Variants in CHD1 observed in about 807,000 individuals in gnomAD.
CHD1 encodes the protein ATP-dependent chromatin remodeler CHD1.
Under a neutral mutation model 224.2 loss-of-function variants are expected in CHD1, and 36 were observed. The observed-to-expected ratio is 0.16, with a 90% CI of 0.12 to 0.21. The LOEUF is 0.21. CHD1 is among the 10% of genes least tolerant of loss of function. CHD1 has a pLI of 1.00. For missense variants in CHD1, 1,378 were observed against 1,994.8 expected (o/e 0.69, Z 5.89); for synonymous variants, 668 against 658.3 (o/e 1.01, Z -0.23).
intron 5 of CHD1, among the ~76,000 whole-genome samples, chr5:98,901,731 T>TG (rs900395675): frequency 5.5e-5 from 8 of 145,300 alleles, no homozygotes; most frequent in African/African-American, 7.9e-5. Flanking sequence ...GCACGTTCAT[T>TG]AAGAAACATA....
chr5:98,916,855 A>C (rs1752766423), intron 2 of CHD1, among the ~76,000 whole-genome samples: 1 of 152,202 alleles, frequency 6.6e-6, no homozygotes, highest in Non-Finnish European at 1.5e-5. Context: ...AATAGATAAA[A>C]GATGATTAGA....
chr5:98,910,427 T>A (rs185282433), intron 2 of CHD1, among the ~76,000 whole-genome samples: 35 of 152,282 alleles, frequency 2.3e-4, no homozygotes, highest in Admixed American at 5.2e-4. Flanking sequence ...ACCACCAATT[T>A]GGCACAGTTA....
chr5:98,885,844 C>G, intron 17 of CHD1, 195 bp from the exon 18 acceptor site: 1 of 532,446 alleles, frequency 1.9e-6, no homozygotes, highest in Non-Finnish European at 3.3e-6. Flanking sequence ...AAGACTGCAC[C>G]CTCAAGAGTA....
At position 98,903,789 on chromosome 5, in the gene CHD1, C is replaced by T. The variant is rs1751873201; in HGVS notation, c.372+3G>A. 13 of 1,593,780 alleles carry T rather than the reference C, an allele frequency of 8.2e-6. No homozygotes were observed. The highest frequency in any genetic ancestry group is 1.3e-5 in the African/African-American group (1 of 74,502). ...AAAATAATAGCTCATGATGAAAATG[C>T]ACCTCTTCTGATCCGCTATTAGATG... On this transcript the variant is annotated splice_donor_region_variant and intron_variant, in intron 4 of 35. Coordinates refer to ENST00000614616, the MANE Select transcript of CHD1 (RefSeq NM_001270.4).
At position 98,901,186 on chromosome 5, in the gene CHD1, C is replaced by A; in HGVS notation, c.587G>T (p.Arg196Ile). The A allele has an allele frequency of 6.2e-7, 1 of 1,610,158 alleles. No homozygotes were observed. Among genetic ancestry groups the A allele is most frequent in the Non-Finnish European group, 8.5e-7 (1 of 1,178,794 alleles). ...NKVKSRKPQN[R>I]SKSKNGKKIL... is the part of the protein sequence containing the mutation. ...TTTCAGCACCAAACTGAGACCATACCTATTTTGAGGTTTTCTGCTTTTGAC... is the reference window on the plus strand; with the variant it reads ...TTTCAGCACCAAACTGAGACCATACATATTTTGAGGTTTTCTGCTTTTGAC... Residue 196 changes from arginine to isoleucine, a missense_variant and splice_region_variant, in exon 6 of 36, where the codon AGA (arginine) becomes ATA (isoleucine). Physicochemically the swap from Arg to Ile is moderately conservative, Grantham distance 97. Around this residue, in one of 16 missense-constraint regions of CHD1, gnomAD observed 306 missense variants for 298.1 expected, o/e 1.03. Coordinates refer to ENST00000614616, the MANE Select transcript of CHD1 (RefSeq NM_001270.4).
intron 12 of CHD1, among the ~76,000 whole-genome samples, chr5:98,895,970 G>A (rs1242765858): frequency 6.6e-6 from 1 of 152,038 alleles, no homozygotes; most frequent in East Asian, 1.9e-4. Context: ...ACTTTGGGAG[G>A]CCAAGGGAGG....
At chr5:98,861,594 T>A (rs1338077807) in intron 32 of CHD1, among the ~76,000 whole-genome samples, 5 of 151,672 alleles carry the variant, frequency 3.3e-5, no homozygotes, top group Admixed American at 3.3e-4. Context: ...CTCTACCTCC[T>A]GGGTTCAAGC....
chr5:98,877,303 A>C (rs1469392992), intron 23 of CHD1, among the ~76,000 whole-genome samples: 1 of 152,262 alleles, frequency 6.6e-6, no homozygotes, highest in Non-Finnish European at 1.5e-5. Flanking sequence ...GTCAAAAAGA[A>C]GAAAAAGTTC....
chr5:98,877,865 G>A (rs534138218), intron 23 of CHD1, among the ~76,000 whole-genome samples: 108 of 152,184 alleles, frequency 7.1e-4, no homozygotes, highest in African/African-American at 2.5e-3. Context: ...CTTGGTAGGG[G>A]CACTGCTCCT....
At chr5:98,906,376 T>A (rs1752052801) in intron 2 of CHD1, among the ~76,000 whole-genome samples, 1 of 152,194 alleles carries the variant, frequency 6.6e-6, no homozygotes, top group South Asian at 2.1e-4. Flanking sequence ...TTTTAATTTT[T>A]AAGGCCATAT....
chr5:98,891,379 T>C (rs1231166998), intron 15 of CHD1, among the ~76,000 whole-genome samples: 1 of 152,100 alleles, frequency 6.6e-6, no homozygotes, highest in Admixed American at 6.5e-5. Flanking sequence ...GCCCAGGTGA[T>C]ACTAGTATTT....
intron 2 of CHD1, among the ~76,000 whole-genome samples, chr5:98,919,313 C>CA (rs1268002272): frequency 6.6e-6 from 1 of 152,108 alleles, no homozygotes; most frequent in Admixed American, 6.5e-5. Flanking sequence ...TTTTAAAAAT[C>CA]AACCAGTATG....
At position 98,856,639 on chromosome 5, in the gene CHD1, T is replaced by C; in HGVS notation, c.4874A>G (p.Asp1625Gly). The change falls in exon 36 of 36, where the codon GAT becomes GGT. Residue 1625 changes from aspartate (D) to glycine (G), a missense_variant. Around this residue, in one of 16 missense-constraint regions of CHD1, gnomAD observed 278 missense variants for 298.5 expected, o/e 0.93. Transcript: ENST00000614616. ...HRSNLEGSLK[D>G]RSHSDHRSHS... The stretch of plus-strand genomic sequence containing the variant: ...AGAACGATGATCAGAATGAGATCTA[T>C]CTTTTAAACTTCCTTCCAAATTTGA... The C allele has an allele frequency of 6.2e-7, 1 of 1,613,756 alleles. No homozygotes were observed. The highest frequency in any genetic ancestry group is 8.5e-7 in the Non-Finnish European group (1 of 1,179,748).
At chr5:98,882,560 A>C (rs948834988) in intron 19 of CHD1, among the ~76,000 whole-genome samples, 2 of 152,280 alleles carry the variant, frequency 1.3e-5, no homozygotes, top group African/African-American at 4.8e-5. Flanking sequence ...ACTCTCCAAA[A>C]TTGAAAAGAA....
At chr5:98,882,960 C>T in intron 19 of CHD1, 128 bp downstream of exon 19, 1 of 550,706 alleles carries the variant, frequency 1.8e-6, no homozygotes, top group Non-Finnish European at 2.8e-6. Flanking sequence ...TCCTCAGTAT[C>T]CTATCGGTTA....
rs569026116 is a variant in CHD1 at position 98,854,547 on chromosome 5, G to A, written c.*1833C>T. On this transcript the variant is annotated 3_prime_UTR_variant, in exon 36 of 36. Transcript: ENST00000614616. ...TACTTTTATATTTAATTATAAATTAGATGTTTAAAAAACTGAGCTACTCCC... is the reference window on the plus strand; with the variant it reads ...TACTTTTATATTTAATTATAAATTAAATGTTTAAAAAACTGAGCTACTCCC... 3.9e-5 allele frequency: 6 copies of A among 152,034 alleles called. 1 individual carries two copies. In the South Asian group the frequency reaches 1.0e-3, roughly 26 times the overall value. 9.4% of individuals were successfully genotyped at this position (152,034 alleles called of 1,614,324 possible).
intron 15 of CHD1, among the ~76,000 whole-genome samples, chr5:98,891,784 C>T (rs1291853230): frequency 6.6e-6 from 1 of 152,108 alleles, no homozygotes; most frequent in Non-Finnish European, 1.5e-5. Context: ...GTACTCCAGC[C>T]TGGAGTACAA....
At position 98,876,521 on chromosome 5, in the gene CHD1, C is replaced by T. The variant is rs540364203; in HGVS notation, c.3275G>A (p.Ser1092Asn). The change falls in exon 24 of 36, where the codon AGT (serine) becomes AAT (asparagine). Residue 1092 changes from serine (S) to asparagine (N), a missense_variant. Transcript: ENST00000614616. ...ACTATCAGATCCAGAGTATCTCCTA[C>T]TTCTACTGCGCCTCCCTTCACTTCC... is the stretch of plus-strand genomic sequence containing the variant. ...FNGSEGRRSR[S>N]RRYSGSDSDS... 2.5e-6 allele frequency: 4 copies of T among 1,613,972 alleles called. No homozygotes were observed. The highest frequency in any genetic ancestry group is 1.1e-5 in the South Asian group (1 of 91,074).
Position 98,926,426 on chromosome 5 carries a change from T to C in CHD1, c.-40A>G. ...AAGAAGTTTTAAAGTAAAATATAAA[T>C]CTTCCCAGTTTAAAAGATGAATATA... On this transcript the variant is annotated 5_prime_UTR_variant, in exon 2 of 36. Transcript: ENST00000614616. 8.9e-7 allele frequency: 1 copy of C among 1,123,364 alleles called. No homozygotes were observed. Among genetic ancestry groups the C allele is most frequent in the East Asian group, 2.7e-5 (1 of 37,100 alleles). 69.6% of individuals were successfully genotyped at this position (1,123,364 alleles called of 1,614,324 possible).
Sources: allele counts gnomAD v4.1 joint callset (sites outside exome capture counted in the v4.1 genomes callset), GRCh38; gene constraint gnomAD v4.1.1; regional missense constraint gnomAD v4.1.1; transcripts MANE v1.5; gene names NCBI Gene and HGNC (gene_info 2026-07-23, HGNC 2026-07-21).